The following MAOB variants were observed in gnomAD, a reference collection of about 807,000 sequenced individuals.
MAOB encodes the protein monoamine oxidase B.
Under a neutral mutation model 41.9 loss-of-function variants are expected in MAOB, and 15 were observed. The observed-to-expected ratio is 0.36, with a 90% CI of 0.24 to 0.55. The LOEUF (loss-of-function observed/expected upper bound fraction) is 0.55, where lower values mean the gene tolerates loss of function less well. Among genes scored for constraint, MAOB ranks in the 20% least tolerant of loss-of-function variants. The pLI is 0.86. For missense variants in MAOB, 345 were observed against 398.7 expected (o/e 0.87, Z 1.15); for synonymous variants, 167 against 144.2 (o/e 1.16, Z -1.13).
intron 5 of MAOB, among the ~76,000 whole-genome samples, chrX:43,799,870 T>A (rs1182845807): frequency 9.0e-6 from 1 of 111,697 alleles, no homozygotes; most frequent in Non-Finnish European, 1.9e-5. Context: ...CATTTTTTTC[T>A]AAGTATAGGT....
In MAOB at chrX:43,836,326, G is replaced by A. The variant is rs764006678; in HGVS notation, c.279+2542C>T. On this transcript the variant is annotated intron_variant, in intron 3 of 14. Transcript: ENST00000378069. Reference sequence around the variant, plus strand: ...TGACGTATACAAAGACATGGAAGTGGAGATGGTAGAGAACAAGTACTTAGT... The same window carrying A: ...TGACGTATACAAAGACATGGAAGTGAAGATGGTAGAGAACAAGTACTTAGT... 8.0e-5 allele frequency among the ~76,000 whole-genome samples: 9 copies of A among 112,316 alleles called. No individual in the cohort carries two copies. In the East Asian group the frequency reaches 2.2e-3, roughly 28 times the overall value.
chrX:43,781,463 T>C lies in MAOB; in HGVS notation c.1010A>G (p.Tyr337Cys). The C allele has an allele frequency of 1.7e-6, 2 of 1,189,056 alleles. No homozygotes were observed. Among genetic ancestry groups the C allele is most frequent in the Middle Eastern group, 2.3e-4 (1 of 4,279 alleles). Residue 337 changes from tyrosine (Y) to cysteine (C), a missense_variant, in exon 9 of 15, where the codon TAT (tyrosine) becomes TGT (cysteine). Transcript: ENST00000378069. ...TLDDTKPEGN[Y>C]AAIMGFILAH... ...TGTGCCTTACCCCATTATGGCAGCA[T>C]AGTTGCCTTCAGGTTTGGTATCATC... is the stretch of plus-strand genomic sequence containing the variant.
chrX:43,819,331 T>C (rs1465443336), intron 3 of MAOB, among the ~76,000 whole-genome samples: 1 of 111,606 alleles, frequency 9.0e-6, no homozygotes, highest in African/African-American at 3.3e-5. Context: ...TGTCACCTTC[T>C]CTGGGCACCT....
chrX:43,823,308 G>A (rs1236365900), intron 3 of MAOB, among the ~76,000 whole-genome samples: 2 of 107,916 alleles, frequency 1.9e-5, no homozygotes, highest in African/African-American at 6.8e-5. Context: ...AAGTAATTGG[G>A]ATTACAGGTG....
intron 1 of MAOB, among the ~76,000 whole-genome samples, chrX:43,873,724 T>C (rs1473933409): frequency 8.9e-6 from 1 of 111,742 alleles, no homozygotes; most frequent in Non-Finnish European, 1.9e-5. Flanking sequence ...GTCGCCAGGC[T>C]GGAGTGCAGT....
chrX:43,847,232 T>G (rs1294777272), intron 1 of MAOB, among the ~76,000 whole-genome samples: 1 of 110,859 alleles, frequency 9.0e-6, no homozygotes, highest in Non-Finnish European at 1.9e-5. Flanking sequence ...TAATCCCAAC[T>G]ACTCGGTAGG....
chrX:43,785,897 A>T (rs1320804243), intron 8 of MAOB, among the ~76,000 whole-genome samples: 1 of 112,069 alleles, frequency 8.9e-6, no homozygotes, highest in Admixed American at 9.5e-5. Flanking sequence ...ATCAAGGGCC[A>T]CTGATCACAG....
intron 1 of MAOB, among the ~76,000 whole-genome samples, chrX:43,875,921 G>C (rs770640359): frequency 9.0e-6 from 1 of 111,022 alleles, no homozygotes. Flanking sequence ...TTTTGCAGAA[G>C]GATAAATTGA....
rs762665688 is a variant in MAOB, at chrX:43,767,601, G to A, written c.1428C>T (p.Pro476=). The change falls in exon 15 of 15, where the codon CCC becomes CCT. Residue 476 remains proline (P), a synonymous_variant. Transcript: ENST00000378069. ...GTCTCTCCAAAAAGGTGGTGGTGATGGGCTGTGCAGGGACATCCTAGGTTC... is the reference window on the plus strand; with the variant it reads ...GTCTCTCCAAAAAGGTGGTGGTGATAGGCTGTGCAGGGACATCCTAGGTTC... ...EPESVDVPAQ[P]ITTTFLERHL... The A allele has an allele frequency of 2.5e-5, 30 of 1,207,706 alleles. No homozygotes were observed. The highest frequency in any genetic ancestry group is 2.4e-4 in the Middle Eastern group (1 of 4,091).
chrX:43,793,370 A>C (rs1194819127), intron 8 of MAOB, 49 bp downstream of exon 8: 1 of 1,013,805 alleles, frequency 9.9e-7, no homozygotes, highest in Non-Finnish European at 1.3e-6. Context: ...CTTAGCAACA[A>C]GTTTCTTGGA....
intron 8 of MAOB, among the ~76,000 whole-genome samples, chrX:43,792,993 C>A (rs1261311639): frequency 8.9e-6 from 1 of 111,946 alleles, no homozygotes; most frequent in African/African-American, 3.2e-5. Flanking sequence ...GAATACTATG[C>A]AGCCATAAAA....
At chrX:43,823,231 G>A (rs2034904960) in intron 3 of MAOB, among the ~76,000 whole-genome samples, 1 of 95,550 alleles carries the variant, frequency 1.0e-5, no homozygotes, top group Admixed American at 1.2e-4. Context: ...GGAGTGCAGT[G>A]GCATGATCTT....
intron 1 of MAOB, among the ~76,000 whole-genome samples, chrX:43,853,267 C>CAAAAAAAAAAAAA (rs397957481): frequency 3.8e-5 from 1 of 26,451 alleles, no homozygotes; most frequent in African/African-American, 1.5e-4. Flanking sequence ...GAGTCCGTCT[C>CAAAAAAAAAAAAA]AAAAAAAAAA....
chrX:43,851,847 T>C (rs2035254339), intron 1 of MAOB, among the ~76,000 whole-genome samples: 1 of 111,499 alleles, frequency 9.0e-6, no homozygotes, highest in African/African-American at 3.3e-5. Context: ...TAATCAGTGA[T>C]TGGAAGAAAT....
chrX:43,835,092 C>T (rs1436088149), intron 3 of MAOB, among the ~76,000 whole-genome samples: 3 of 112,041 alleles, frequency 2.7e-5, no homozygotes, highest in Non-Finnish European at 5.6e-5. Flanking sequence ...GAATTTTCTC[C>T]AACTTCTTCA....
chrX:43,776,148 G>A (rs897153759), intron 11 of MAOB, among the ~76,000 whole-genome samples: 1 of 112,034 alleles, frequency 8.9e-6, no homozygotes, highest in African/African-American at 3.2e-5. Flanking sequence ...TCCTAAGCAA[G>A]CTTCTCTGGC....
chrX:43,780,323 G>A lies in MAOB; in HGVS notation c.1079+19C>T, dbSNP rs372773222. The A allele has an allele frequency of 4.2e-6, 5 of 1,181,735 alleles. No individual in the cohort carries two copies. In the African/African-American group the frequency reaches 7.1e-5, roughly 17 times the overall value. ...GGAAAGGAAGGAAGAAACGAAAGAA[G>A]CAGCATTTCTTTTGTTACCTTTCCT... On this transcript the variant is annotated intron_variant, in intron 10 of 14. Coordinates refer to ENST00000378069, the MANE Select transcript of MAOB (RefSeq NM_000898.5).
chrX:43,852,423 T>C (rs2035257988), intron 1 of MAOB, among the ~76,000 whole-genome samples: 1 of 112,513 alleles, frequency 8.9e-6, no homozygotes, highest in African/African-American at 3.2e-5. Flanking sequence ...TCATGATGTC[T>C]GTAACTTACT....
At chrX:43,823,517 TAC>T (rs2034908877) in intron 3 of MAOB, among the ~76,000 whole-genome samples, 2 of 111,116 alleles carry the variant, frequency 1.8e-5, no homozygotes, top group African/African-American at 3.3e-5. Context: ...CCCAAGAAAA[TAC>T]ACAGTCACAT....
Sources: allele counts gnomAD v4.1 joint callset (sites outside exome capture counted in the v4.1 genomes callset), GRCh38; gene constraint gnomAD v4.1.1; transcripts MANE v1.5; gene names NCBI Gene and HGNC (gene_info 2026-07-23, HGNC 2026-07-21).